RBL2: variants seen among roughly 807,000 people sequenced by gnomAD.
RBL2 encodes the protein retinoblastoma-like protein 2.
In RBL2, 56 loss-of-function variants were observed where a neutral mutation model predicts 126.0. That is an observed-to-expected ratio of 0.44 (90% CI 0.36 to 0.56). The LOEUF is 0.56. Ranked by LOEUF, RBL2 falls within the 20% of genes least tolerant of loss-of-function variation. RBL2 has a pLI of 0.00. For missense variants in RBL2, 1,229 were observed against 1,398.2 expected, an observed-to-expected ratio of 0.88 and a Z score of 1.93; for synonymous variants, 454 against 478.5, an observed-to-expected ratio of 0.95 and a Z score of 0.67.
chr16:53,447,160 G>A, intron 4 of RBL2, 54 bp downstream of exon 4: 2 of 1,043,200 alleles, frequency 1.9e-6, no homozygotes, highest in Admixed American at 2.4e-5. Context: ...ACATTTTCAG[G>A]TATTAATTTT....
chr16:53,459,128 G>A (rs963423082), intron 8 of RBL2, among the ~76,000 whole-genome samples: 2 of 152,148 alleles, frequency 1.3e-5, no homozygotes, highest in South Asian at 2.1e-4. Flanking sequence ...CTTTGCCTCC[G>A]AGCATAAGTT....
At chr16:53,459,325 A>G (rs2058197061) in intron 8 of RBL2, 126 bp from the exon 9 acceptor site, 1 of 725,006 alleles carries the variant, frequency 1.4e-6, no homozygotes, top group Non-Finnish European at 2.2e-6. Flanking sequence ...AAATTTATTG[A>G]TATTGTAAAG....
chr16:53,473,546 T>C (rs1960602623), intron 17 of RBL2, among the ~76,000 whole-genome samples: 1 of 151,584 alleles, frequency 6.6e-6, no homozygotes, highest in Non-Finnish European at 1.5e-5. Context: ...TTAGTTCTAA[T>C]AGTTTTCTAG....
At position 53,490,867 on chromosome 16, in the gene RBL2, T is replaced by A. The variant is rs1961398586; in HGVS notation, c.*567T>A. ...ACATCTTCCCTCTCCCCATTCGGTG[T>A]GGTGCAGTGTGAAAAGTCCTTGATT... On this transcript the variant is annotated 3_prime_UTR_variant, in exon 22 of 22. Coordinates refer to ENST00000262133, the MANE Select transcript of RBL2 (RefSeq NM_005611.4). The A allele has an allele frequency of 6.6e-6, 1 of 152,592 alleles. No individual in the cohort carries two copies. The highest frequency in any genetic ancestry group is 2.4e-5 in the African/African-American group (1 of 41,428). The allele number at this position is 152,592 out of a possible 1,614,324, so 9.5% of individuals were successfully genotyped here. A position where few individuals can be genotyped will look rare whatever the true frequency, so the allele number is the denominator to read the frequency against.
At chr16:53,442,619 A>C in intron 2 of RBL2, 39 bp from the exon 3 acceptor site, 1 of 1,453,632 alleles carries the variant, frequency 6.9e-7, no homozygotes, top group African/African-American at 1.4e-5. Flanking sequence ...CTTTAGCCTT[A>C]TGTTAATTAT....
At position 53,453,752 on chromosome 16, in the gene RBL2, G is replaced by A; in HGVS notation, c.975G>A (p.Gly325=). 6.2e-7 allele frequency: 1 copy of A among 1,608,928 alleles called. No homozygotes were observed. The highest frequency in any genetic ancestry group is 8.5e-7 in the Non-Finnish European group (1 of 1,177,474). ...ATCTCACTGGGTTTCTAGAACCTGG[G>A]AACTTTGGAGAGAGTTTGTGAGTAC... ...EENLTGFLEP[G]NFGESFKAIN... The change falls in exon 7 of 22, where the codon GGG becomes GGA. Residue 325 remains glycine (G), a synonymous_variant. Coordinates refer to ENST00000262133, the MANE Select transcript of RBL2 (RefSeq NM_005611.4).
At chr16:53,466,575 A>G (rs886344531) in intron 13 of RBL2, among the ~76,000 whole-genome samples, 1 of 152,000 alleles carries the variant, frequency 6.6e-6, no homozygotes, top group Non-Finnish European at 1.5e-5. Context: ...GGAGCATGCA[A>G]CCTAGATCCC....
At chr16:53,468,401 C>G (rs2150811873) in intron 14 of RBL2, among the ~76,000 whole-genome samples, 1 of 152,204 alleles carries the variant, frequency 6.6e-6, no homozygotes, top group East Asian at 1.9e-4. Flanking sequence ...AAAAATCACT[C>G]TAAGTGTATA....
At position 53,479,912 on chromosome 16, in the gene RBL2, GAAAAGA is replaced by G; in HGVS notation, c.2810_2815del (p.Lys937_Arg938del). The stretch of plus-strand genomic sequence containing the variant: ...TGTATAGAAGTGTTTTGATAAAAGG[GAAAAGA>G]AAAAGAAGAAATTCTGGCAGCAGTG... On this transcript the variant is annotated inframe_deletion, in exon 19 of 22. Transcript: ENST00000262133. 6.2e-7 allele frequency: 1 copy of G among 1,609,104 alleles called. No homozygotes were observed.
chr16:53,450,488 A>G (rs1567730072), intron 4 of RBL2, among the ~76,000 whole-genome samples: 1 of 152,362 alleles, frequency 6.6e-6, no homozygotes, highest in East Asian at 1.9e-4. Flanking sequence ...CATGAAGCAT[A>G]CATGTGCAGT....
chr16:53,481,868 C>A (rs1356384445), intron 21 of RBL2, 33 bp downstream of exon 21: 1 of 1,535,934 alleles, frequency 6.5e-7, no homozygotes, highest in Non-Finnish European at 9.0e-7. Context: ...CCTTTACTAA[C>A]CTCAAAATGC....
intron 3 of RBL2, chr16:53,443,296 G>T (rs1295466900): frequency 6.6e-6 from 1 of 152,334 alleles, no homozygotes; most frequent in East Asian, 1.9e-4. Context: ...TCAATGTATT[G>T]TTCCAATTTT....
At chr16:53,459,105 G>A (rs976167400) in intron 8 of RBL2, among the ~76,000 whole-genome samples, 2 of 152,186 alleles carry the variant, frequency 1.3e-5, no homozygotes, top group African/African-American at 4.8e-5. Flanking sequence ...TTTCAGGTGA[G>A]CAGAATGCTT....
intron 19 of RBL2, 38 bp downstream of exon 19, chr16:53,480,029 G>C: frequency 7.1e-7 from 1 of 1,415,632 alleles, no homozygotes; most frequent in Non-Finnish European, 9.8e-7. Flanking sequence ...ACAAAATTAG[G>C]AGCTTTTCTT....
Position 53,447,035 on chromosome 16 carries a change from C to A in RBL2, c.573-7C>A. 6.7e-7 allele frequency: 1 copy of A among 1,499,352 alleles called. No individual in the cohort carries two copies. 92.9% of individuals were successfully genotyped at this position (1,499,352 alleles called of 1,614,324 possible). On this transcript the variant is annotated splice_polypyrimidine_tract_variant and splice_region_variant and intron_variant, in intron 3 of 21. Coordinates refer to ENST00000262133, the MANE Select transcript of RBL2 (RefSeq NM_005611.4). ...GTCTCATGACTTTTTTTTTTCTTCC[C>A]CCAAAGGCGACAGCCCTGTACTGTG... is the stretch of plus-strand genomic sequence containing the variant.
At chr16:53,437,506 C>A (rs1421656531) in intron 1 of RBL2, among the ~76,000 whole-genome samples, 1 of 152,114 alleles carries the variant, frequency 6.6e-6, no homozygotes, top group Non-Finnish European at 1.5e-5. Flanking sequence ...AGTTGTATCA[C>A]TTCTTGAGTA....
chr16:53,447,020 T>A (rs749305644), intron 3 of RBL2, 22 bp from the exon 4 acceptor site: 4 of 1,272,306 alleles, frequency 3.1e-6, no homozygotes, highest in Non-Finnish European at 4.2e-6. Flanking sequence ...GTCTCATGAC[T>A]TTTTTTTTTC....
intron 4 of RBL2, among the ~76,000 whole-genome samples, chr16:53,448,415 C>G (rs886839980): frequency 2.0e-5 from 3 of 152,200 alleles, no homozygotes; most frequent in Admixed American, 2.0e-4. Context: ...CGTCAGCCTC[C>G]CAAAGTGCTG....
At chr16:53,440,687 G>A (rs1332862460) in intron 2 of RBL2, among the ~76,000 whole-genome samples, 2 of 152,048 alleles carry the variant, frequency 1.3e-5, no homozygotes, top group African/African-American at 4.8e-5. Flanking sequence ...CCAAGTAGCT[G>A]GGATTACAGA....
Sources: gnomAD v4.1 joint callset for allele counts (sites outside exome capture counted in the v4.1 genomes callset) on GRCh38, gnomAD v4.1.1 for gene constraint, MANE v1.5 for transcripts, NCBI Gene and HGNC (gene_info 2026-07-23, HGNC 2026-07-21) for gene names.